The following SLIT3 variants were observed in gnomAD, a reference collection of about 807,000 sequenced individuals.
SLIT3 encodes the protein slit guidance ligand 3, also known as slit homolog 3 protein.
In SLIT3, 68 loss-of-function variants were observed where a neutral mutation model predicts 184.0. The ratio of observed to expected loss-of-function variants is 0.37; its 90% CI spans 0.30 to 0.45. SLIT3 has a LOEUF of 0.45. Among genes scored for constraint, SLIT3 ranks in the 20% least tolerant of loss-of-function variants. The probability of loss-of-function intolerance (pLI) is 1.00; values close to 1 mark genes in which losing one functional copy is unlikely to be tolerated. For missense variants in SLIT3, 1,707 were observed against 2,026.0 expected (o/e 0.84, Z 3.02); for synonymous variants, 831 against 828.6 (o/e 1.00, Z -0.05).
chr5:168,777,099 ACACACACC>A (rs1199494505), intron 12 of SLIT3, among the ~76,000 whole-genome samples: 139 of 62,276 alleles, frequency 2.2e-3, no homozygotes, highest in African/African-American at 5.9e-3. Flanking sequence ...ACACACACAC[ACACACACC>A]CCCCATACCA....
rs190683762 is a variant in SLIT3 at position 168,792,733 on chromosome 5, G to C, written c.1007+2774C>G. ...GCCTACCAGTCAGTTAACCAAATTT[G>C]CAAGACCGAGGGGCTGTCTCCAGTG... On this transcript the variant is annotated intron_variant, in intron 10 of 35. Coordinates refer to ENST00000519560, the MANE Select transcript of SLIT3 (RefSeq NM_003062.4). Among the ~76,000 whole-genome samples the C allele has an allele frequency of 1.4e-4, 21 of 152,254 alleles. No homozygotes were observed. In the East Asian group the frequency reaches 2.9e-3, roughly 21 times the overall value.
At chr5:168,831,161 G>C (rs569612714) in intron 6 of SLIT3, among the ~76,000 whole-genome samples, 1 of 152,314 alleles carries the variant, frequency 6.6e-6, no homozygotes, top group South Asian at 2.1e-4. Flanking sequence ...CTGTTGGATA[G>C]GTTGACTGGA....
At chr5:169,240,586 T>C (rs1156270568) in intron 3 of SLIT3, among the ~76,000 whole-genome samples, 1 of 149,366 alleles carries the variant, frequency 6.7e-6, no homozygotes, top group African/African-American at 2.4e-5. Context: ...TTTCTTTTTT[T>C]TTTTTTTTTT....
intron 24 of SLIT3, 44 bp downstream of exon 24, chr5:168,712,239 T>C: frequency 6.4e-7 from 1 of 1,552,372 alleles, no homozygotes; most frequent in Non-Finnish European, 8.9e-7. Context: ...ACTTTCATGC[T>C]TTCATGTTTT....
chr5:169,172,852 C>T (rs760564042), intron 4 of SLIT3, among the ~76,000 whole-genome samples: 2 of 152,122 alleles, frequency 1.3e-5, no homozygotes, highest in African/African-American at 2.4e-5. Context: ...GCACCAGTCT[C>T]GGAGTTGGAG....
intron 4 of SLIT3, among the ~76,000 whole-genome samples, chr5:169,173,561 T>C (rs919584733): frequency 3.3e-5 from 5 of 152,008 alleles, no homozygotes; most frequent in African/African-American, 1.2e-4. Flanking sequence ...CACATTATTT[T>C]CCCAGTCTTA....
At chr5:168,773,328 A>G (rs1424614066) in intron 13 of SLIT3, among the ~76,000 whole-genome samples, 2 of 152,140 alleles carry the variant, frequency 1.3e-5, no homozygotes, top group Non-Finnish European at 2.9e-5. Context: ...TAGGCACATA[A>G]AGCAGCTGGC....
intron 1 of SLIT3, among the ~76,000 whole-genome samples, chr5:169,272,554 G>T (rs926806149): frequency 6.6e-6 from 1 of 152,230 alleles, no homozygotes. Flanking sequence ...ACAGTGCCTT[G>T]CCCAGGCTAC....
chr5:168,756,094 G>T (rs1754940102), intron 16 of SLIT3, among the ~76,000 whole-genome samples: 1 of 152,242 alleles, frequency 6.6e-6, no homozygotes, highest in Admixed American at 6.5e-5. Context: ...TGGAGCCCGT[G>T]AACTCACAGA....
At chr5:168,901,595 C>A (rs1262664897) in intron 4 of SLIT3, among the ~76,000 whole-genome samples, 1 of 152,038 alleles carries the variant, frequency 6.6e-6, no homozygotes, top group Non-Finnish European at 1.5e-5. Context: ...CCATAATTAT[C>A]AACAAATTTT....
At chr5:169,224,944 G>T (rs1002438633) in intron 3 of SLIT3, among the ~76,000 whole-genome samples, 1 of 152,116 alleles carries the variant, frequency 6.6e-6, no homozygotes, top group Non-Finnish European at 1.5e-5. Flanking sequence ...TTGGCCTCCC[G>T]AAGTGCTGGG....
At chr5:168,786,167 G>T (rs1561932137) in intron 11 of SLIT3, among the ~76,000 whole-genome samples, 189 bp from the exon 12 acceptor site, 1 of 152,188 alleles carries the variant, frequency 6.6e-6, no homozygotes, top group African/African-American at 2.4e-5. Context: ...TGGAAGGGCA[G>T]GTTGTCTGGG....
intron 4 of SLIT3, among the ~76,000 whole-genome samples, chr5:168,960,695 G>T (rs1000904636): frequency 4.6e-5 from 7 of 152,218 alleles, no homozygotes; most frequent in East Asian, 1.9e-4. Flanking sequence ...AGGAAGTGGT[G>T]GCTGCTTCCT....
intron 3 of SLIT3, among the ~76,000 whole-genome samples, chr5:169,195,411 G>T (rs919815652): frequency 1.3e-5 from 2 of 152,216 alleles, no homozygotes; most frequent in South Asian, 4.1e-4. Flanking sequence ...CAGCGAGTGG[G>T]TAAGCACTGG....
chr5:168,673,827 C>G (rs1035487626), intron 32 of SLIT3, among the ~76,000 whole-genome samples: 2 of 152,196 alleles, frequency 1.3e-5, no homozygotes, highest in African/African-American at 4.8e-5. Flanking sequence ...TCAGGTATTG[C>G]ATTTGGCTAT....
intron 1 of SLIT3, among the ~76,000 whole-genome samples, chr5:169,281,462 A>T (rs1022651284): frequency 1.3e-5 from 2 of 152,204 alleles, no homozygotes; most frequent in African/African-American, 4.8e-5. Context: ...GCAACAGAGC[A>T]AGAATCTGTC....
rs372485234 is a variant in SLIT3 at position 169,006,605 on chromosome 5, TCACACACACACACA to T, written c.414-123283_414-123270del. Reference sequence around the variant, plus strand: ...CTCTCTCTCTCTCTCTCTCTCTCTCTCACACACACACACACACACACACACAACTCTCCAAGCAC... The same window carrying T: ...CTCTCTCTCTCTCTCTCTCTCTCTCTCACACACACACAACTCTCCAAGCAC... On this transcript the variant is annotated intron_variant, in intron 4 of 35. Transcript: ENST00000519560. Among the ~76,000 whole-genome samples the T allele has an allele frequency of 2.9e-4, 43 of 145,880 alleles. 2 individuals carry two copies. In the South Asian group the frequency reaches 7.5e-3, roughly 26 times the overall value.
intron 6 of SLIT3, among the ~76,000 whole-genome samples, chr5:168,843,816 A>G (rs943377008): frequency 1.3e-5 from 2 of 152,198 alleles, no homozygotes; most frequent in Admixed American, 1.3e-4. Context: ...TGACCCCAAG[A>G]TGACTCCTAG....
chr5:169,065,386 A>G (rs1048039839), intron 4 of SLIT3, among the ~76,000 whole-genome samples: 1 of 152,206 alleles, frequency 6.6e-6, no homozygotes, highest in African/African-American at 2.4e-5. Context: ...AAGCCATCAC[A>G]CAGAGCAGAG....
Sources: gnomAD v4.1 joint callset for allele counts (sites outside exome capture counted in the v4.1 genomes callset) on GRCh38, gnomAD v4.1.1 for gene constraint, MANE v1.5 for transcripts, NCBI Gene and HGNC (gene_info 2026-07-23, HGNC 2026-07-21) for gene names.